ATG4B: variants seen among roughly 807,000 people sequenced by gnomAD.
ATG4B encodes autophagy related 4B cysteine peptidase.
Under a neutral mutation model 56.6 loss-of-function variants are expected in ATG4B, and 29 were observed. The observed-to-expected ratio is 0.51, with a 90% confidence interval of 0.38 to 0.70. The LOEUF is 0.70. Ranked by LOEUF, ATG4B falls within the 30% of genes least tolerant of loss-of-function variation. ATG4B has a pLI of 0.00. For synonymous variants in ATG4B, 224 were observed against 206.1 expected, an observed-to-expected ratio of 1.09 and a Z score of -0.74; for missense variants, 461 against 515.5, an observed-to-expected ratio of 0.89 and a Z score of 1.02.
At chr2:241,672,098 G>A in intron 12 of ATG4B, 93 bp from the exon 13 acceptor site, 2 of 1,523,840 alleles carry the variant, frequency 1.3e-6, no homozygotes, top group Non-Finnish European at 1.8e-6. Flanking sequence ...TGCAGAGCAG[G>A]CACTGCTCAG....
intron 8 of ATG4B, among the ~76,000 whole-genome samples, chr2:241,667,620 AAAGC>A (rs897364675): frequency 6.6e-6 from 1 of 151,464 alleles, no homozygotes; most frequent in East Asian, 2.0e-4. Flanking sequence ...AAAAAAAAAA[AAAGC>A]AAGCAGAAGG....
chr2:241,637,977 C>G (rs1164191648), intron 1 of ATG4B, among the ~76,000 whole-genome samples: 2 of 151,610 alleles, frequency 1.3e-5, no homozygotes, highest in Non-Finnish European at 2.9e-5. Flanking sequence ...CTTTTCCGGT[C>G]CCGTCCGGAG....
At chr2:241,642,275 G>A (rs1024913703) in intron 1 of ATG4B, among the ~76,000 whole-genome samples, 3 of 151,578 alleles carry the variant, frequency 2.0e-5, no homozygotes, top group African/African-American at 7.3e-5. Flanking sequence ...CCCAGTGTGT[G>A]CACTGAAACA....
Position 241,668,369 on chromosome 2 carries a change from G to A in ATG4B, c.811+148G>A. Reference sequence around the variant, plus strand: ...TTCATTTTCAGCCTGGTCGCGGGCGGCCTCCTGTGTGCCCCTTTCCCTGAT... The same window carrying A: ...TTCATTTTCAGCCTGGTCGCGGGCGACCTCCTGTGTGCCCCTTTCCCTGAT... On this transcript the variant is annotated intron_variant, in intron 9 of 12. Transcript: ENST00000404914. The surrounding 1 kb of genome is among the most constrained non-coding windows in gnomAD (Gnocchi z 4.2). 7.4e-7 allele frequency: 1 copy of A among 1,357,998 alleles called. No homozygotes were observed. Among genetic ancestry groups the A allele is most frequent in the Non-Finnish European group, 1.0e-6 (1 of 978,832 alleles). The allele number at this position is 1,357,998 out of a possible 1,614,324, so 84.1% of individuals were successfully genotyped here.
intron 1 of ATG4B, 59 bp downstream of exon 1, chr2:241,637,783 C>T: frequency 6.6e-7 from 1 of 1,508,688 alleles, no homozygotes; most frequent in Non-Finnish European, 8.8e-7. Flanking sequence ...TCATTGGCCT[C>T]CCCTGCTCGG....
At chr2:241,666,489 C>G (rs1290378611) in intron 7 of ATG4B, 156 bp from the exon 8 acceptor site, 2 of 769,952 alleles carry the variant, frequency 2.6e-6, no homozygotes, top group Non-Finnish European at 4.2e-6. Flanking sequence ...AAAAAATTTT[C>G]TTACGCTTTT....
Position 241,672,378 on chromosome 2 carries a change from C to T in ATG4B, c.*114C>T, listed in dbSNP as rs551843718. The T allele has an allele frequency of 3.1e-6, 3 of 953,650 alleles. No homozygotes were observed. Among genetic ancestry groups the T allele is most frequent in the Admixed American group, 2.2e-5 (1 of 45,168 alleles). The allele number at this position is 953,650 out of a possible 1,614,324, so 59.1% of individuals were successfully genotyped here. On this transcript the variant is annotated 3_prime_UTR_variant, in exon 13 of 13. Transcript: ENST00000404914. The stretch of plus-strand genomic sequence containing the variant: ...GGCTGCGCCCCGTGCTGCCTCCCCC[C>T]AGAGGGCCACCCGCTGTGCTCGTGG...
At chr2:241,671,763 T>G in intron 12 of ATG4B, 1 of 1,289,892 alleles carries the variant, frequency 7.8e-7, no homozygotes, top group East Asian at 3.8e-5. Flanking sequence ...TGGCCATGGG[T>G]GGCGTAGACC....
chr2:241,639,721 T>C (rs2067828599), intron 1 of ATG4B, among the ~76,000 whole-genome samples: 1 of 152,118 alleles, frequency 6.6e-6, no homozygotes, highest in South Asian at 2.1e-4. Flanking sequence ...TTTTATAGGC[T>C]CAGAATGGGG....
intron 6 of ATG4B, among the ~76,000 whole-genome samples, chr2:241,655,912 G>C (rs931085611): frequency 6.6e-6 from 1 of 152,200 alleles, no homozygotes; most frequent in African/African-American, 2.4e-5. Context: ...TGTGGTTTCA[G>C]CTTCGTGTCC....
intron 1 of ATG4B, 95 bp from the exon 2 acceptor site, chr2:241,650,915 T>G: frequency 9.7e-7 from 1 of 1,033,534 alleles, no homozygotes; most frequent in East Asian, 2.6e-5. Context: ...TTTACAGTTG[T>G]TCTCTTCAGC....
chr2:241,659,873 C>T (rs2068536853), intron 7 of ATG4B: 1 of 159,960 alleles, frequency 6.3e-6, no homozygotes, highest in African/African-American at 2.4e-5. Context: ...TAGGCTATTG[C>T]CTTGAATCCA....
chr2:241,640,113 A>G (rs559069299), intron 1 of ATG4B, among the ~76,000 whole-genome samples: 22 of 152,314 alleles, frequency 1.4e-4, no homozygotes, highest in African/African-American at 5.1e-4. Context: ...CATATGACCT[A>G]AAATGTGAAA....
intron 8 of ATG4B, among the ~76,000 whole-genome samples, chr2:241,667,218 G>A (rs1575088577): frequency 6.6e-6 from 1 of 152,272 alleles, no homozygotes; most frequent in South Asian, 2.1e-4. Context: ...CCTTCGGAGG[G>A]TGGGTTGGCC....
intron 7 of ATG4B, among the ~76,000 whole-genome samples, chr2:241,661,060 G>A (rs2068577322): frequency 6.6e-6 from 1 of 152,230 alleles, no homozygotes; most frequent in African/African-American, 2.4e-5. Flanking sequence ...TCTCAGGGCT[G>A]CCCAAAGCAG....
chr2:241,654,696 G>C (rs2068341072), intron 5 of ATG4B, 49 bp downstream of exon 5: 2 of 1,482,556 alleles, frequency 1.3e-6, no homozygotes, highest in African/African-American at 2.8e-5. Context: ...GTCTGGAGAG[G>C]GTGGAGTGGT....
chr2:241,671,450 T>C (rs1559276152), intron 12 of ATG4B, 45 bp downstream of exon 12: 2 of 1,604,746 alleles, frequency 1.2e-6, no homozygotes, highest in Non-Finnish European at 1.7e-6. Flanking sequence ...AGGTACGATC[T>C]GTGCCCTTGC....
At chr2:241,666,880 C>T in intron 8 of ATG4B, 42 bp downstream of exon 8, 2 of 1,527,206 alleles carry the variant, frequency 1.3e-6, no homozygotes, top group Non-Finnish European at 1.8e-6. Context: ...TCCCCGTCCC[C>T]TTCTCCCAGT....
At chr2:241,662,957 C>G (rs1007739373) in intron 7 of ATG4B, among the ~76,000 whole-genome samples, 2 of 151,570 alleles carry the variant, frequency 1.3e-5, no homozygotes, top group South Asian at 2.1e-4. Context: ...TAAAGCGGGC[C>G]GGGCGCGGTG....
Sources: gnomAD v4.1 joint callset for allele counts (sites outside exome capture counted in the v4.1 genomes callset) on GRCh38, gnomAD v4.1.1 for gene constraint, Gnocchi (gnomAD v3.1) non-coding constraint, MANE v1.5 for transcripts, NCBI Gene and HGNC (gene_info 2026-07-23, HGNC 2026-07-21) for gene names.